The following TBL1X variants were observed in gnomAD, a reference collection of about 807,000 sequenced individuals.
The protein encoded by TBL1X is transducin beta like 1 X-linked.
Under a neutral mutation model 50.7 loss-of-function variants are expected in TBL1X, and 10 were observed. The ratio of observed to expected loss-of-function variants is 0.20; its 90% CI spans 0.12 to 0.33. The LOEUF is 0.33. Ranked by LOEUF, TBL1X falls within the 10% of genes least tolerant of loss-of-function variation. The pLI, the probability that TBL1X is intolerant of heterozygous loss-of-function variation, is 1.00. For synonymous variants in TBL1X, 190 were observed against 214.7 expected (o/e 0.88, Z 1.01); for missense variants, 340 against 504.4 (o/e 0.67, Z 3.12).
At chrX:9,594,148 A>G (rs1187987254) in intron 2 of TBL1X, among the ~76,000 whole-genome samples, 1 of 112,828 alleles carries the variant, frequency 8.9e-6, no homozygotes, top group Non-Finnish European at 1.9e-5. Context: ...AGGTGCTGTT[A>G]TTGTGCGTCA....
chrX:9,591,092 G>A (rs1224697154), intron 2 of TBL1X, among the ~76,000 whole-genome samples: 1 of 110,790 alleles, frequency 9.0e-6, no homozygotes, highest in African/African-American at 3.3e-5. Context: ...CTTGGGCAAG[G>A]CCATCTCTGC....
At chrX:9,565,165 G>A (rs1228819970) in intron 2 of TBL1X, among the ~76,000 whole-genome samples, 3 of 104,140 alleles carry the variant, frequency 2.9e-5, no homozygotes, top group African/African-American at 1.0e-4. Flanking sequence ...CCAGCTACTC[G>A]GGAGGCTGAA....
intron 2 of TBL1X, among the ~76,000 whole-genome samples, chrX:9,556,621 G>A (rs1234363249): frequency 9.2e-6 from 1 of 109,129 alleles, no homozygotes; most frequent in Non-Finnish European, 1.9e-5. Flanking sequence ...GCTCCAGCCT[G>A]GATGACAGAA....
At chrX:9,558,527 A>T (rs1006309425) in intron 2 of TBL1X, among the ~76,000 whole-genome samples, 1 of 108,589 alleles carries the variant, frequency 9.2e-6, no homozygotes, top group Non-Finnish European at 1.9e-5. Flanking sequence ...CAAAAAAAAA[A>T]GGAAGGAAAA....
At chrX:9,658,684 G>A (rs754467497) in intron 5 of TBL1X, among the ~76,000 whole-genome samples, 1 of 111,804 alleles carries the variant, frequency 8.9e-6, no homozygotes, top group African/African-American at 3.3e-5. Context: ...CTTGCAAAAC[G>A]GTATGAGGAA....
intron 2 of TBL1X, among the ~76,000 whole-genome samples, chrX:9,620,915 G>A (rs1006333062): frequency 8.9e-6 from 1 of 112,025 alleles, no homozygotes; most frequent in Non-Finnish European, 1.9e-5. Context: ...ATAGCTCAGC[G>A]GAGCCAAGAA....
chrX:9,552,218 A>G (rs1241322983), intron 2 of TBL1X, among the ~76,000 whole-genome samples: 1 of 111,453 alleles, frequency 9.0e-6, no homozygotes, highest in Non-Finnish European at 1.9e-5. Context: ...GTGGCCGCGT[A>G]GGCATTGAGG....
In TBL1X at chrX:9,543,958, A is replaced by T. The variant is rs746244762; in HGVS notation, c.-131+42109A>T. Among the ~76,000 whole-genome samples, 6 of 110,845 alleles carry T rather than the reference A, an allele frequency of 5.4e-5. No homozygotes were observed. In the East Asian group the frequency reaches 1.7e-3, roughly 31 times the overall value. ...TAAACTCATTATGTTTTAAAGGGATAATCTGCTATTCTTAAGAAAACAAAA... is the reference window on the plus strand; with the variant it reads ...TAAACTCATTATGTTTTAAAGGGATTATCTGCTATTCTTAAGAAAACAAAA... On this transcript the variant is annotated intron_variant, in intron 2 of 17. Coordinates refer to ENST00000645353, the MANE Select transcript of TBL1X (RefSeq NM_005647.4).
chrX:9,486,672 C>T (rs1176214241), intron 1 of TBL1X, among the ~76,000 whole-genome samples: 1 of 105,015 alleles, frequency 9.5e-6, no homozygotes, highest in Non-Finnish European at 1.9e-5. Context: ...ATTTTGATAT[C>T]TCATGTCTCC....
chrX:9,504,439 C>T (rs1205721207), intron 2 of TBL1X, among the ~76,000 whole-genome samples: 1 of 111,954 alleles, frequency 8.9e-6, no homozygotes, highest in East Asian at 2.8e-4. Flanking sequence ...CAGAACTGGA[C>T]GGAGGATCAG....
chrX:9,617,812 A>G (rs973345117), intron 2 of TBL1X, among the ~76,000 whole-genome samples: 1 of 112,332 alleles, frequency 8.9e-6, no homozygotes, highest in African/African-American at 3.2e-5. Context: ...GAAAGATTAC[A>G]CTTGTGTAGA....
At chrX:9,614,769 C>T (rs1308418396) in intron 2 of TBL1X, among the ~76,000 whole-genome samples, 4 of 111,288 alleles carry the variant, frequency 3.6e-5, no homozygotes, top group South Asian at 3.8e-4. Flanking sequence ...TAAGAGTCAG[C>T]GCCTGAAATT....
chrX:9,627,334 A>T (rs2082697740), intron 2 of TBL1X, among the ~76,000 whole-genome samples: 1 of 112,018 alleles, frequency 8.9e-6, no homozygotes, highest in Non-Finnish European at 1.9e-5. Flanking sequence ...AGAATCTATG[A>T]ATCTGAATTT....
At chrX:9,517,526 T>C (rs926847429) in intron 2 of TBL1X, among the ~76,000 whole-genome samples, 1 of 111,910 alleles carries the variant, frequency 8.9e-6, no homozygotes, top group Non-Finnish European at 1.9e-5. Flanking sequence ...AGAAAGACTC[T>C]TTCCGTTTTA....
At chrX:9,463,987 G>A (rs1239006795), upstream of TBL1X, among the ~76,000 whole-genome samples, 1 of 112,227 alleles carries the variant, frequency 8.9e-6, no homozygotes, top group African/African-American at 3.2e-5. Flanking sequence ...TCGAGGAAGA[G>A]CAAGTGAGGT....
intron 2 of TBL1X, among the ~76,000 whole-genome samples, chrX:9,516,877 T>C (rs1004039611): frequency 1.8e-5 from 2 of 112,356 alleles, no homozygotes; most frequent in African/African-American, 6.5e-5. Flanking sequence ...TGTAGAGTTG[T>C]TCTGGTGCTT....
At chrX:9,607,634 T>C (rs1381975549) in intron 2 of TBL1X, among the ~76,000 whole-genome samples, 1 of 112,836 alleles carries the variant, frequency 8.9e-6, no homozygotes. Context: ...GCACTCCCAC[T>C]TCTTGCTTTA....
intron 2 of TBL1X, chrX:9,530,988 C>G (rs1402228606): frequency 2.7e-5 from 3 of 112,033 alleles, no homozygotes; most frequent in African/African-American, 6.5e-5. Flanking sequence ...CCCGCCCCTC[C>G]GTCAGCAGCT....
intron 2 of TBL1X, among the ~76,000 whole-genome samples, chrX:9,530,167 C>T (rs1158561569): frequency 1.8e-5 from 2 of 111,877 alleles, no homozygotes; most frequent in Non-Finnish European, 3.8e-5. Flanking sequence ...TCTTCCAAAA[C>T]GAACGTGCAT....
Sources: allele counts gnomAD v4.1 joint callset (sites outside exome capture counted in the v4.1 genomes callset), GRCh38; gene constraint gnomAD v4.1.1; transcripts MANE v1.5; gene names NCBI Gene and HGNC (gene_info 2026-07-23, HGNC 2026-07-21).